GABRG3: variants seen among roughly 807,000 people sequenced by gnomAD.
GABRG3 encodes gamma-aminobutyric acid receptor subunit gamma-3.
Under a neutral mutation model 48.8 loss-of-function variants are expected in GABRG3, and 25 were observed. The ratio of observed to expected loss-of-function variants is 0.51; its 90% confidence interval spans 0.37 to 0.72. The LOEUF is 0.72. Among genes scored for constraint, GABRG3 ranks in the 30% least tolerant of loss-of-function variants. The pLI is 0.00. For synonymous variants in GABRG3, 227 were observed against 217.6 expected, an observed-to-expected ratio of 1.04 and a Z score of -0.38; for missense variants, 394 against 577.9, an observed-to-expected ratio of 0.68 and a Z score of 3.26.
chr15:27,468,062 A>G (rs948167924), intron 5 of GABRG3, among the ~76,000 whole-genome samples: 1 of 152,160 alleles, frequency 6.6e-6, no homozygotes, highest in Non-Finnish European at 1.5e-5. Context: ...TATCAAATCA[A>G]CGGTCACAGT....
At chr15:27,472,981 T>C (rs924854032) in intron 5 of GABRG3, among the ~76,000 whole-genome samples, 3 of 152,192 alleles carry the variant, frequency 2.0e-5, no homozygotes, top group African/African-American at 7.2e-5. Flanking sequence ...TATTAGATCA[T>C]AATATATTAA....
At chr15:27,017,258 TAA>T (rs1354576999) in intron 2 of GABRG3, among the ~76,000 whole-genome samples, 2 of 152,190 alleles carry the variant, frequency 1.3e-5, no homozygotes, top group African/African-American at 4.8e-5. Context: ...CTTGCACACT[TAA>T]TATATTAGGT....
chr15:27,330,655 T>G (rs769604335), intron 5 of GABRG3, among the ~76,000 whole-genome samples: 23 of 152,242 alleles, frequency 1.5e-4, no homozygotes, highest in Admixed American at 7.8e-4. Flanking sequence ...ATAAATTGTT[T>G]TAAAAAGATT....
intron 5 of GABRG3, among the ~76,000 whole-genome samples, chr15:27,411,631 G>A (rs576401616): frequency 9.9e-5 from 15 of 152,234 alleles, no homozygotes; most frequent in Admixed American, 5.9e-4. Flanking sequence ...TTATGGGGGG[G>A]ATTTTCAAAG....
chr15:27,189,192 G>C (rs1479189189), intron 3 of GABRG3, among the ~76,000 whole-genome samples: 2 of 151,390 alleles, frequency 1.3e-5, no homozygotes, highest in East Asian at 3.9e-4. Context: ...TTTGGCTTAG[G>C]ATTGACTTGG....
At chr15:27,302,237 A>G (rs977743665) in intron 3 of GABRG3, among the ~76,000 whole-genome samples, 1 of 152,120 alleles carries the variant, frequency 6.6e-6, no homozygotes, top group Non-Finnish European at 1.5e-5. Context: ...TATGTATAAG[A>G]CAGCTATAGA....
intron 3 of GABRG3, among the ~76,000 whole-genome samples, chr15:27,272,186 G>A (rs1261699630): frequency 1.3e-5 from 2 of 152,202 alleles, no homozygotes; most frequent in South Asian, 2.1e-4. Context: ...TTCCCCGTGG[G>A]TAACTAGGTG....
intron 2 of GABRG3, among the ~76,000 whole-genome samples, chr15:27,007,071 C>T (rs1309598061): frequency 2.0e-5 from 3 of 151,398 alleles, no homozygotes; most frequent in Non-Finnish European, 4.4e-5. Context: ...CATACATGTG[C>T]ATGTGTCTTT....
intron 5 of GABRG3, among the ~76,000 whole-genome samples, chr15:27,404,317 T>C (rs1206139201): frequency 1.3e-5 from 2 of 152,206 alleles, no homozygotes; most frequent in African/African-American, 2.4e-5. Flanking sequence ...CTGGGCTGGC[T>C]GGGCTGGCAA....
At chr15:27,168,963 T>A (rs1039202487) in intron 3 of GABRG3, among the ~76,000 whole-genome samples, 1 of 152,236 alleles carries the variant, frequency 6.6e-6, no homozygotes, top group Non-Finnish European at 1.5e-5. Context: ...CTAATGTGTT[T>A]GGCAGTCAGG....
At chr15:27,235,600 A>G (rs1355537182) in intron 3 of GABRG3, among the ~76,000 whole-genome samples, 1 of 152,198 alleles carries the variant, frequency 6.6e-6, no homozygotes, top group East Asian at 1.9e-4. Context: ...TCCATCCTTC[A>G]TGAGTTCTTA....
intron 3 of GABRG3, among the ~76,000 whole-genome samples, chr15:27,081,926 G>C (rs1166544607): frequency 6.6e-6 from 1 of 152,186 alleles, no homozygotes; most frequent in African/African-American, 2.4e-5. Flanking sequence ...ACATTTCACT[G>C]AATTGAGTTC....
chr15:27,354,129 C>T (rs1894750569), intron 5 of GABRG3, among the ~76,000 whole-genome samples: 1 of 152,164 alleles, frequency 6.6e-6, no homozygotes, highest in South Asian at 2.1e-4. Context: ...AATTTACCCT[C>T]TAAGCCTTCG....
chr15:27,098,342 G>A (rs1824995658), intron 3 of GABRG3, among the ~76,000 whole-genome samples: 2 of 152,144 alleles, frequency 1.3e-5, no homozygotes, highest in South Asian at 4.2e-4. Context: ...GCTGATACAG[G>A]AGAATTGCTT....
chr15:27,268,067 A>G (rs1890975313), intron 3 of GABRG3, among the ~76,000 whole-genome samples: 1 of 152,106 alleles, frequency 6.6e-6, no homozygotes, highest in African/African-American at 2.4e-5. Flanking sequence ...ATGAGTTGGG[A>G]TGTAGTCCCT....
chr15:27,137,632 C>T (rs1280758890), intron 3 of GABRG3, among the ~76,000 whole-genome samples: 4 of 152,108 alleles, frequency 2.6e-5, no homozygotes, highest in East Asian at 1.9e-4. Context: ...TGAGAGAAGT[C>T]GTGTGACCAA....
At chr15:27,031,077 CACACACACACAT>C (rs964752708) in intron 3 of GABRG3, among the ~76,000 whole-genome samples, 1 of 151,630 alleles carries the variant, frequency 6.6e-6, no homozygotes, top group Non-Finnish European at 1.5e-5. Flanking sequence ...CACACACACA[CACACACACACAT>C]ACAACACATA....
intron 2 of GABRG3, 67 bp from the exon 3 acceptor site, chr15:27,026,687 C>T (rs1382016956): frequency 1.7e-6 from 2 of 1,163,458 alleles, no homozygotes; most frequent in African/African-American, 1.5e-5. Context: ...GACTTTAGGA[C>T]TTGAATGTGC....
rs1566887153 is a variant in GABRG3, at chr15:27,539,427, CT to C, written c.*6547del. On this transcript the variant is annotated 3_prime_UTR_variant, in exon 10 of 10. Coordinates refer to ENST00000615808, the MANE Select transcript of GABRG3 (RefSeq NM_033223.5). ...TGGAACTCTAAGCTGCTTCTCTAAT[CT>C]AAGGAGGTCTATTCGAAAGGATAGT... is the stretch of plus-strand genomic sequence containing the variant. 1.3e-5 allele frequency: 2 copies of C among 152,190 alleles called. No homozygotes were observed. The allele number at this position is 152,190 out of a possible 1,614,324, so 9.4% of individuals were successfully genotyped here.
Sources: allele counts gnomAD v4.1 joint callset (sites outside exome capture counted in the v4.1 genomes callset), GRCh38; gene constraint gnomAD v4.1.1; transcripts MANE v1.5; gene names NCBI Gene and HGNC (gene_info 2026-07-23, HGNC 2026-07-21).